The following PAK1 variants were observed in gnomAD, a reference collection of about 807,000 sequenced individuals.
PAK1 encodes p21 (RAC1) activated kinase 1, also known as serine/threonine-protein kinase PAK 1.
In PAK1, 29 loss-of-function variants were observed where a neutral mutation model predicts 67.4. The ratio of observed to expected loss-of-function variants is 0.43; its 90% confidence interval spans 0.32 to 0.59. The LOEUF is 0.59. Among genes scored for constraint, PAK1 ranks in the 20% least tolerant of loss-of-function variants. The pLI is 0.07. For missense variants in PAK1, 337 were observed against 670.7 expected (o/e 0.50, Z 5.50); for synonymous variants, 223 against 237.4 (o/e 0.94, Z 0.56).
intron 4 of PAK1, among the ~76,000 whole-genome samples, chr11:77,377,716 C>T (rs1949283057): frequency 6.6e-6 from 1 of 152,198 alleles, no homozygotes; most frequent in Non-Finnish European, 1.5e-5. Context: ...CACATATTTA[C>T]ATACATACAT....
chr11:77,516,662 C>T, the PAK1 span, among the ~76,000 whole-genome samples: 1 of 152,082 alleles, frequency 6.6e-6, no homozygotes, highest in African/African-American at 2.4e-5. Context: ...AAGCATCTCA[C>T]ATGCCATGCT....
rs1366559337 is a variant in PAK1, at chr11:77,473,762, C to G, written c.-232G>C. The G allele has an allele frequency of 4.0e-5, 5 of 125,958 alleles. No homozygotes were observed. In the East Asian group the frequency reaches 1.1e-3, roughly 28 times the overall value. The allele number at this position is 125,958 out of a possible 1,614,324, so 7.8% of individuals were successfully genotyped here. On this transcript the variant is annotated 5_prime_UTR_variant, in exon 1 of 15. Transcript: ENST00000356341. The stretch of plus-strand genomic sequence containing the variant: ...GGGGGGGCGGGAGGGAGCGAGGCGA[C>G]GCGGGCGGGGGGGGAAGGGGGGACT...
At chr11:77,381,542 A>C (rs1254989666) in intron 2 of PAK1, among the ~76,000 whole-genome samples, 1 of 152,226 alleles carries the variant, frequency 6.6e-6, no homozygotes, top group Non-Finnish European at 1.5e-5. Flanking sequence ...AAAAAATTTC[A>C]AGTTGAATCA....
At chr11:77,500,804 A>T in the PAK1 span, among the ~76,000 whole-genome samples, 1 of 152,156 alleles carries the variant, frequency 6.6e-6, no homozygotes, top group African/African-American at 2.4e-5. Context: ...TGTTCACACC[A>T]CTGCACTCCA....
intron 2 of PAK1, among the ~76,000 whole-genome samples, chr11:77,387,176 G>A (rs534783951): frequency 1.2e-3 from 180 of 149,936 alleles, no homozygotes; most frequent in African/African-American, 4.0e-3. Context: ...AGATTCAAGC[G>A]ATTCTCCTGC....
chr11:77,505,290 C>T, the PAK1 span, among the ~76,000 whole-genome samples: 34 of 152,018 alleles, frequency 2.2e-4, no homozygotes, highest in Admixed American at 9.2e-4. Flanking sequence ...CGGGTTCAAG[C>T]GATTCTCCTG....
At chr11:77,449,709 A>AAAAT (rs1956774001) in intron 1 of PAK1, among the ~76,000 whole-genome samples, 1 of 151,758 alleles carries the variant, frequency 6.6e-6, no homozygotes, top group Non-Finnish European at 1.5e-5. Flanking sequence ...AAAAAAAAAA[A>AAAAT]AAAATCACCC....
intron 11 of PAK1, among the ~76,000 whole-genome samples, chr11:77,340,185 C>T (rs1458346246): frequency 6.6e-6 from 1 of 152,048 alleles, no homozygotes; most frequent in Non-Finnish European, 1.5e-5. Flanking sequence ...TTACTCAAAT[C>T]TATAGCAAAA....
intron 1 of PAK1, among the ~76,000 whole-genome samples, chr11:77,429,735 C>A (rs1437278093): frequency 6.6e-6 from 1 of 152,174 alleles, no homozygotes; most frequent in Admixed American, 6.5e-5. Context: ...AAATGTAACA[C>A]GTGATTCTGA....
the PAK1 span, among the ~76,000 whole-genome samples, chr11:77,508,493 T>A: frequency 2.6e-5 from 4 of 152,052 alleles, no homozygotes; most frequent in Non-Finnish European, 5.9e-5. Flanking sequence ...ATAGTTGATA[T>A]TAAACTATCA....
chr11:77,395,689 G>GC lies in PAK1; in HGVS notation c.-21-3149dup, dbSNP rs1446086458. Among the ~76,000 whole-genome samples, 4 of 152,090 alleles carry GC rather than the reference G, an allele frequency of 2.6e-5. No homozygotes were observed. The East Asian group carries it at 5.8e-4, about 22-fold the overall frequency. On this transcript the variant is annotated intron_variant, in intron 1 of 14. Transcript: ENST00000356341. Reference sequence around the variant, plus strand: ...ATAAAAATCTTACTCATCCATCAAGGCCAAACCCTAACCCCACTTCTTTGC... The same window carrying GC: ...ATAAAAATCTTACTCATCCATCAAGGCCCAAACCCTAACCCCACTTCTTTGC...
intron 1 of PAK1, among the ~76,000 whole-genome samples, chr11:77,453,433 T>C (rs1195690239): frequency 3.3e-5 from 5 of 149,376 alleles, no homozygotes; most frequent in African/African-American, 1.2e-4. Context: ...AAGGAGAGAG[T>C]CCAAACTGAT....
chr11:77,402,366 T>C, intron 1 of PAK1, among the ~76,000 whole-genome samples: 1 of 152,122 alleles, frequency 6.6e-6, no homozygotes. Context: ...CCTACGCAAC[T>C]TCCTCACTCC....
chr11:77,443,080 T>C (rs1174449921), intron 1 of PAK1, among the ~76,000 whole-genome samples: 1 of 152,110 alleles, frequency 6.6e-6, no homozygotes, highest in African/African-American at 2.4e-5. Flanking sequence ...ATCCCAGCAC[T>C]TTGGGAGGCC....
chr11:77,412,835 G>T (rs1200000768), intron 1 of PAK1, among the ~76,000 whole-genome samples: 2 of 152,184 alleles, frequency 1.3e-5, no homozygotes, highest in East Asian at 3.8e-4. Flanking sequence ...ACGTCAAAAC[G>T]GAGGTCCAGG....
At chr11:77,491,314 T>C in the PAK1 span, among the ~76,000 whole-genome samples, 1 of 151,596 alleles carries the variant, frequency 6.6e-6, no homozygotes, top group African/African-American at 2.4e-5. Context: ...TACAACATAG[T>C]ACGATAAGAT....
chr11:77,408,802 A>G (rs1228891942), intron 1 of PAK1, among the ~76,000 whole-genome samples: 1 of 152,200 alleles, frequency 6.6e-6, no homozygotes, highest in African/African-American at 2.4e-5. Flanking sequence ...AAAACAAGTA[A>G]TCCAATTTAA....
At chr11:77,333,403 G>A (rs1488882409) in intron 13 of PAK1, among the ~76,000 whole-genome samples, 1 of 151,974 alleles carries the variant, frequency 6.6e-6, no homozygotes, top group Non-Finnish European at 1.5e-5. Flanking sequence ...TTACCATGTT[G>A]GCCTGGCTGG....
At chr11:77,356,349 C>T (rs1946035108) in intron 6 of PAK1, 1 of 152,622 alleles carries the variant, frequency 6.6e-6, no homozygotes, top group Non-Finnish European at 1.5e-5. Flanking sequence ...TAGTACAACA[C>T]CAACTTCTAT....
Sources: allele counts gnomAD v4.1 joint callset (sites outside exome capture counted in the v4.1 genomes callset), GRCh38; gene constraint gnomAD v4.1.1; transcripts MANE v1.5; gene names NCBI Gene and HGNC (gene_info 2026-07-23, HGNC 2026-07-21).